Variants in GIN1 observed in about 807,000 individuals in gnomAD.
GIN1 encodes gypsy retrotransposon integrase 1.
GIN1 carries 41 observed loss-of-function variants against 51.4 expected under a neutral mutation model. The observed-to-expected ratio is 0.80, with a 90% confidence interval of 0.62 to 1.04. The LOEUF is 1.04. Among genes scored for constraint, GIN1 ranks in the 50% least tolerant of loss-of-function variants. GIN1 has a pLI of 0.00. For missense variants in GIN1, 610 were observed against 612.4 expected (o/e 1.00, Z 0.04); for synonymous variants, 222 against 206.5 (o/e 1.07, Z -0.64).
intron 7 of GIN1, among the ~76,000 whole-genome samples, chr5:103,092,817 A>T (rs1787284327): frequency 1.3e-5 from 2 of 151,840 alleles, no homozygotes; most frequent in African/African-American, 2.4e-5. Flanking sequence ...ATGGTGATGC[A>T]TGCCTACATT....
At chr5:103,091,210 T>G (rs1554194503) in intron 7 of GIN1, among the ~76,000 whole-genome samples, 1 of 152,230 alleles carries the variant, frequency 6.6e-6, no homozygotes, top group Non-Finnish European at 1.5e-5. Flanking sequence ...CCTTACATGT[T>G]GAACAAGTAA....
At chr5:103,103,438 T>C (rs952500086) in intron 4 of GIN1, among the ~76,000 whole-genome samples, 3 of 152,216 alleles carry the variant, frequency 2.0e-5, no homozygotes, top group Admixed American at 6.5e-5. Context: ...TGGGGTGCCA[T>C]GGCACATGTC....
At position 103,088,147 on chromosome 5, in the gene GIN1, T is replaced by C. The variant is rs555919857; in HGVS notation, c.1320A>G (p.Ser440=). Residue 440 remains serine, a synonymous_variant, in exon 8 of 8, where the codon TCA becomes TCG. Coordinates refer to ENST00000399004, the MANE Select transcript of GIN1 (RefSeq NM_017676.2). ...CAATGTAGTCATGATCTGCCACTACTGAACCTTGCAAGAGATAAAGACTTT... is the reference window on the plus strand; with the variant it reads ...CAATGTAGTCATGATCTGCCACTACCGAACCTTGCAAGAGATAAAGACTTT... The part of the protein sequence containing the change: ...EQESLYLLQG[S]VVADHDYIGL... The C allele has an allele frequency of 1.9e-6, 3 of 1,581,966 alleles. No individual in the cohort carries two copies. The highest frequency in any genetic ancestry group is 2.6e-6 in the Non-Finnish European group (3 of 1,162,968).
intron 1 of GIN1, among the ~76,000 whole-genome samples, chr5:103,112,389 T>C (rs782655665): frequency 9.2e-5 from 14 of 152,230 alleles, no homozygotes; most frequent in Non-Finnish European, 2.1e-4. Context: ...ATCCCTAGCA[T>C]ATTTTTATCT....
chr5:103,099,750 AAT>A (rs1454385805), intron 4 of GIN1, among the ~76,000 whole-genome samples: 1 of 152,142 alleles, frequency 6.6e-6, no homozygotes, highest in East Asian at 1.9e-4. Context: ...TTTCCTACTG[AAT>A]ATGTTTGTTC....
chr5:103,095,532 T>C (rs1554194920), intron 7 of GIN1, among the ~76,000 whole-genome samples: 3 of 152,228 alleles, frequency 2.0e-5, no homozygotes, highest in Non-Finnish European at 4.4e-5. Context: ...TACCCTAATA[T>C]TTATCTCACA....
intron 4 of GIN1, among the ~76,000 whole-genome samples, chr5:103,103,565 T>A (rs74345565): frequency 0.042 from 6,472 of 152,298 alleles, 446 homozygotes; most frequent in African/African-American, 0.15. Context: ...CCCTGTCAAT[T>A]ACAAAAAGTT....
chr5:103,110,885 G>T (rs1314718353), intron 1 of GIN1, among the ~76,000 whole-genome samples: 2 of 152,220 alleles, frequency 1.3e-5, no homozygotes, highest in South Asian at 2.1e-4. Context: ...CACTTCTATT[G>T]TTACCAAGTT....
chr5:103,097,444 G>C lies in GIN1; in HGVS notation c.878C>G (p.Pro293Arg). The C allele has an allele frequency of 6.3e-7, 1 of 1,579,386 alleles. No homozygotes were observed. Among genetic ancestry groups the C allele is most frequent in the Non-Finnish European group, 8.7e-7 (1 of 1,151,222 alleles). ...TPYFQMFSRN[P>R]YMPETSDSLH... ...ACTATCTGAAGTCTCAGGCATATAA[G>C]GATTTCGACTAAACATTTGAAAATA... The change falls in exon 6 of 8, where the codon CCT (proline) becomes CGT (arginine). Residue 293 changes from proline (P) to arginine (R), a missense_variant. Pro to Arg is a moderately radical substitution (Grantham distance 103). Coordinates refer to ENST00000399004, the MANE Select transcript of GIN1 (RefSeq NM_017676.2).
At position 103,104,692 on chromosome 5, in the gene GIN1, A is replaced by C. The variant is rs1787675021; in HGVS notation, c.488T>G (p.Ile163Ser). Reference protein sequence around the residue: ...TSNRSHVYAIIMTDLFTKWIV... With the variant: ...TSNRSHVYAISMTDLFTKWIV... ...CCATTTGGTGAACAAATCTGTCATGATTATAGCATATACATGACTTCTGTT... is the reference window on the plus strand; with the variant it reads ...CCATTTGGTGAACAAATCTGTCATGCTTATAGCATATACATGACTTCTGTT... The change falls in exon 4 of 8, where the codon ATC becomes AGC. Residue 163 changes from isoleucine (I) to serine (S), a missense_variant. By Grantham distance (142) the Ile-to-Ser change is moderately radical (BLOSUM62 -2). Transcript: ENST00000399004. The C allele has an allele frequency of 1.9e-6, 3 of 1,612,642 alleles. No homozygotes were observed. The highest frequency in any genetic ancestry group is 8.5e-7 in the Non-Finnish European group (1 of 1,178,798).
At chr5:103,109,556 T>A (rs1032232019) in intron 1 of GIN1, among the ~76,000 whole-genome samples, 1 of 151,994 alleles carries the variant, frequency 6.6e-6, no homozygotes, top group Non-Finnish European at 1.5e-5. Context: ...CCAGAGAGAG[T>A]AACAGTACAT....
At chr5:103,090,287 TCAA>T (rs782204872) in intron 7 of GIN1, among the ~76,000 whole-genome samples, 5 of 152,264 alleles carry the variant, frequency 3.3e-5, no homozygotes, top group South Asian at 2.1e-4. Context: ...AGACTCTGTC[TCAA>T]CAACAACAAC....
intron 1 of GIN1, among the ~76,000 whole-genome samples, chr5:103,118,582 C>T (rs1318128465): frequency 1.3e-5 from 2 of 152,100 alleles, no homozygotes; most frequent in Admixed American, 6.5e-5. Context: ...CAGTCTAATG[C>T]AGTTCACAAA....
At position 103,101,505 on chromosome 5, in the gene GIN1, G is replaced by A. The variant is rs375224166; in HGVS notation, c.639+3036C>T. Among the ~76,000 whole-genome samples the A allele has an allele frequency of 8.7e-4, 132 of 152,266 alleles. 2 individuals carry two copies. The South Asian group carries it at 0.026, about 30-fold the overall frequency. On this transcript the variant is annotated intron_variant, in intron 4 of 7. Coordinates refer to ENST00000399004, the MANE Select transcript of GIN1 (RefSeq NM_017676.2). Reference sequence around the variant, plus strand: ...AGTTAATATTTGTATTCATCTCATTGATGTGTCTAACAAAGAGCTGGAAGT... The same window carrying A: ...AGTTAATATTTGTATTCATCTCATTAATGTGTCTAACAAAGAGCTGGAAGT...
Position 103,087,826 on chromosome 5 carries a change from C to T in GIN1, c.*72G>A, listed in dbSNP as rs1583104426. On this transcript the variant is annotated 3_prime_UTR_variant, in exon 8 of 8. Transcript: ENST00000399004. ...GTGTCAAGATACTTCTTCTATACAA[C>T]GTTTTTAATGAATAAGATATCATTA... 1.1e-5 allele frequency: 7 copies of T among 636,590 alleles called. No individual in the cohort carries two copies. Among genetic ancestry groups the T allele is most frequent in the Middle Eastern group, 4.4e-4 (1 of 2,292 alleles). The allele number at this position is 636,590 out of a possible 1,614,324, so 39.4% of individuals were successfully genotyped here.
At chr5:103,115,797 A>G (rs1353492622) in intron 1 of GIN1, among the ~76,000 whole-genome samples, 1 of 152,182 alleles carries the variant, frequency 6.6e-6, no homozygotes, top group East Asian at 1.9e-4. Flanking sequence ...GGCTTCTAGA[A>G]AGACCACTGA....
At chr5:103,105,315 C>T (rs782376204) in intron 3 of GIN1, among the ~76,000 whole-genome samples, 2 of 152,040 alleles carry the variant, frequency 1.3e-5, no homozygotes, top group Non-Finnish European at 2.9e-5. Flanking sequence ...TACCAAATGA[C>T]CATCTTATTG....
intron 4 of GIN1, among the ~76,000 whole-genome samples, chr5:103,098,453 G>A (rs1787470605): frequency 6.6e-6 from 1 of 152,188 alleles, no homozygotes; most frequent in South Asian, 2.1e-4. Context: ...AGAACTTAAC[G>A]TTAACTTTGA....
At chr5:103,095,271 G>C (rs534850438) in intron 7 of GIN1, among the ~76,000 whole-genome samples, 120 of 152,164 alleles carry the variant, frequency 7.9e-4, no homozygotes, top group African/African-American at 2.8e-3. Flanking sequence ...AGACACATTA[G>C]GACAAAATAA....
Sources: allele counts gnomAD v4.1 joint callset (sites outside exome capture counted in the v4.1 genomes callset), GRCh38; gene constraint gnomAD v4.1.1; transcripts MANE v1.5; gene names NCBI Gene and HGNC (gene_info 2026-07-23, HGNC 2026-07-21).